CUBN: variants seen among roughly 807,000 people sequenced by gnomAD.
CUBN encodes cubilin, also known as 460 kDa receptor.
In CUBN, 282 loss-of-function variants were observed where a neutral mutation model predicts 405.3. The observed-to-expected ratio is 0.70, with a 90% CI of 0.63 to 0.77. CUBN has a LOEUF of 0.77. CUBN is among the 30% of genes least tolerant of loss of function. The probability of loss-of-function intolerance (pLI) is 0.00; values close to 1 mark genes in which losing one functional copy is unlikely to be tolerated. For missense variants in CUBN, 4,514 were observed against 4,475.2 expected (o/e 1.01, Z -0.25); for synonymous variants, 1,684 against 1,617.0 (o/e 1.04, Z -0.99).
At chr10:17,052,226 T>C (rs1303086399) in intron 22 of CUBN, among the ~76,000 whole-genome samples, 1 of 152,146 alleles carries the variant, frequency 6.6e-6, no homozygotes, top group Non-Finnish European at 1.5e-5. Flanking sequence ...GTAACATTTT[T>C]AGACAAACAG....
intron 33 of CUBN, among the ~76,000 whole-genome samples, chr10:16,951,302 A>T (rs1000433054): frequency 3.3e-5 from 5 of 152,228 alleles, no homozygotes; most frequent in African/African-American, 1.2e-4. Flanking sequence ...ATGCATGTCA[A>T]TGAAGATACT....
intron 31 of CUBN, among the ~76,000 whole-genome samples, chr10:16,966,679 C>T (rs1199751536): frequency 6.6e-6 from 1 of 152,112 alleles, no homozygotes; most frequent in Non-Finnish European, 1.5e-5. Flanking sequence ...GAACTCTTGA[C>T]CTCAAATGAT....
intron 56 of CUBN, among the ~76,000 whole-genome samples, chr10:16,878,685 T>G (rs1178965675): frequency 6.6e-6 from 1 of 152,208 alleles, no homozygotes; most frequent in Non-Finnish European, 1.5e-5. Context: ...AGGAAAATGT[T>G]ATGCCCATTA....
rs747301686 is a variant in CUBN, at chr10:16,955,136, T to A, written c.4696-588A>T. Among the ~76,000 whole-genome samples, 6 of 152,082 alleles carry A rather than the reference T, an allele frequency of 3.9e-5. No homozygotes were observed. In the East Asian group the frequency reaches 9.6e-4, roughly 24 times the overall value. On this transcript the variant is annotated intron_variant, in intron 31 of 66. Transcript: ENST00000377833. ...CTACAATCCCAGCACTTTGGGAGGC[T>A]GAGGCGGGTGGATCACCTGAGGTCA...
intron 59 of CUBN, among the ~76,000 whole-genome samples, chr10:16,868,459 G>A (rs1014491124): frequency 3.3e-5 from 5 of 152,188 alleles, no homozygotes; most frequent in African/African-American, 1.2e-4. Flanking sequence ...AGTCTTCACA[G>A]AGTATGAGAT....
At chr10:17,051,818 A>T (rs1280308404) in intron 22 of CUBN, among the ~76,000 whole-genome samples, 1 of 152,082 alleles carries the variant, frequency 6.6e-6, no homozygotes, top group Non-Finnish European at 1.5e-5. Flanking sequence ...AACAACAAAT[A>T]GGTTAACACA....
intron 14 of CUBN, among the ~76,000 whole-genome samples, chr10:17,096,927 G>A (rs1836387348): frequency 6.6e-6 from 1 of 152,022 alleles, no homozygotes; most frequent in South Asian, 2.1e-4. Flanking sequence ...AAAACCTGTG[G>A]GATGCAAATA....
At chr10:17,122,733 A>G (rs1837071729) in intron 6 of CUBN, 62 bp downstream of exon 6, 2 of 950,554 alleles carry the variant, frequency 2.1e-6, no homozygotes, top group East Asian at 4.9e-5. Context: ...GCTCTTAACT[A>G]TGGGATGTTT....
At chr10:16,988,111 T>G (rs1179390888) in intron 29 of CUBN, among the ~76,000 whole-genome samples, 1 of 152,190 alleles carries the variant, frequency 6.6e-6, no homozygotes, top group Non-Finnish European at 1.5e-5. Context: ...AGCCCCTGTC[T>G]CTACTTTCTC....
chr10:16,968,850 A>G (rs1843472847), intron 31 of CUBN, among the ~76,000 whole-genome samples: 1 of 152,238 alleles, frequency 6.6e-6, no homozygotes, highest in South Asian at 2.1e-4. Context: ...CAGCTTCCTT[A>G]GCAAGAAATG....
chr10:16,839,798 A>G (rs973333659), intron 62 of CUBN, among the ~76,000 whole-genome samples: 6 of 151,906 alleles, frequency 3.9e-5, no homozygotes, highest in African/African-American at 1.4e-4. Flanking sequence ...TCACAATAGC[A>G]AAGACTTGGA....
chr10:16,840,251 G>T, intron 62 of CUBN, 79 bp downstream of exon 62: 2 of 1,225,292 alleles, frequency 1.6e-6, no homozygotes, highest in East Asian at 2.3e-5. Context: ...TTTCATCATG[G>T]CTTCATTACT....
At chr10:16,883,214 C>A (rs1840713709) in intron 56 of CUBN, among the ~76,000 whole-genome samples, 1 of 152,140 alleles carries the variant, frequency 6.6e-6, no homozygotes, top group South Asian at 2.1e-4. Flanking sequence ...AGACTGGTCT[C>A]CTCTACGGAG....
rs139996151 is a variant in CUBN at position 16,996,194 on chromosome 10, T to G, written c.4169-5679A>C. 8.1e-3 allele frequency among the ~76,000 whole-genome samples: 1,235 copies of G among 152,334 alleles called. 8 individuals are homozygous for G. The highest frequency in any genetic ancestry group is 0.034 in the Middle Eastern group (10 of 294). ...GTAAACAAAGCAAAAATCTTTTAAT[T>G]GACTTTGAGGCAAAATCTAACAGAA... On this transcript the variant is annotated intron_variant, in intron 28 of 66. Transcript: ENST00000377833.
intron 22 of CUBN, among the ~76,000 whole-genome samples, chr10:17,051,844 C>G (rs78582303): frequency 6.6e-6 from 1 of 151,398 alleles, no homozygotes; most frequent in African/African-American, 2.4e-5. Context: ...AATTAGAGAA[C>G]CAGAAGAAGA....
At chr10:16,839,123 C>A (rs1839265420) in intron 62 of CUBN, among the ~76,000 whole-genome samples, 1 of 152,062 alleles carries the variant, frequency 6.6e-6, no homozygotes, top group Admixed American at 6.6e-5. Context: ...GGTACTGGCA[C>A]CAAAACACCA....
chr10:16,860,188 T>C (rs975901017), intron 59 of CUBN, among the ~76,000 whole-genome samples: 3 of 152,140 alleles, frequency 2.0e-5, no homozygotes, highest in East Asian at 1.9e-4. Flanking sequence ...CTAAAACTAA[T>C]ATTGTTAGTA....
At chr10:16,952,582 A>T (rs1472814559) in intron 32 of CUBN, among the ~76,000 whole-genome samples, 193 bp from the exon 33 acceptor site, 1 of 152,224 alleles carries the variant, frequency 6.6e-6, no homozygotes, top group Non-Finnish European at 1.5e-5. Context: ...ATTTTTAACA[A>T]TTATTCTTCA....
At chr10:17,082,557 G>A (rs1328612482) in intron 17 of CUBN, among the ~76,000 whole-genome samples, 1 of 152,136 alleles carries the variant, frequency 6.6e-6, no homozygotes, top group Admixed American at 6.5e-5. Context: ...TTAACAGAAA[G>A]GGCCCCAAAT....
Sources: gnomAD v4.1 joint callset for allele counts (sites outside exome capture counted in the v4.1 genomes callset) on GRCh38, gnomAD v4.1.1 for gene constraint, MANE v1.5 for transcripts, NCBI Gene and HGNC (gene_info 2026-07-23, HGNC 2026-07-21) for gene names.